Variants in KCNQ1 observed in about 807,000 individuals in gnomAD.
KCNQ1 encodes the protein potassium voltage-gated channel subfamily KQT member 1.
Under a neutral mutation model 72.4 loss-of-function variants are expected in KCNQ1, and 49 were observed. That is an observed-to-expected ratio of 0.68 (90% CI 0.54 to 0.86). The LOEUF (loss-of-function observed/expected upper bound fraction) is 0.86. Among genes scored for constraint, KCNQ1 ranks in the 40% least tolerant of loss-of-function variants. The pLI is 0.00. For synonymous variants in KCNQ1, 450 were observed against 412.6 expected, an observed-to-expected ratio of 1.09 and a Z score of -1.10; for missense variants, 790 against 945.1, an observed-to-expected ratio of 0.84 and a Z score of 2.15.
At chr11:2,820,503 G>A (rs1231851454) in intron 15 of KCNQ1, among the ~76,000 whole-genome samples, 1 of 152,012 alleles carries the variant, frequency 6.6e-6, no homozygotes, top group Non-Finnish European at 1.5e-5. Flanking sequence ...AGTCTTTTCT[G>A]TTAATTGTGT....
intron 6 of KCNQ1, among the ~76,000 whole-genome samples, chr11:2,581,337 G>A (rs545384884): frequency 9.2e-5 from 14 of 152,338 alleles, no homozygotes; most frequent in Non-Finnish European, 1.9e-4. Context: ...ACTGGCACAG[G>A]GTCTCCGATG....
intron 11 of KCNQ1, chr11:2,699,768 G>A (rs1850758553): frequency 5.0e-6 from 2 of 397,804 alleles, no homozygotes; most frequent in Non-Finnish European, 8.9e-6. Flanking sequence ...GCCGCGCTGA[G>A]GAGCCCCGAG....
chr11:2,660,283 A>G, intron 10 of KCNQ1: 1 of 398,424 alleles, frequency 2.5e-6, no homozygotes, highest in Non-Finnish European at 4.4e-6. Flanking sequence ...TAAATGCATT[A>G]AAACTTTTAC....
chr11:2,650,784 A>G, intron 10 of KCNQ1: 1 of 398,610 alleles, frequency 2.5e-6, no homozygotes, highest in East Asian at 3.6e-5. Flanking sequence ...TCTTTCTCCT[A>G]ATACTGCTAA....
At chr11:2,533,400 G>A (rs1263078980) in intron 2 of KCNQ1, among the ~76,000 whole-genome samples, 1 of 152,098 alleles carries the variant, frequency 6.6e-6, no homozygotes, top group Non-Finnish European at 1.5e-5. Flanking sequence ...TTTCCTCAAG[G>A]CCTCCCAGGG....
At position 2,659,888 on chromosome 11, in the gene KCNQ1, T is replaced by C. The variant is rs12574151; in HGVS notation, c.1394-2073T>C. On this transcript the variant is annotated intron_variant, in intron 10 of 15. Transcript: ENST00000155840. The surrounding 1 kb of genome is among the most constrained non-coding windows in gnomAD (Gnocchi z 4.3). ...TTTATAATCCATTTTTAAAATTGGA[T>C]TGTTCACTTTATTGTCAAGTTGTAA... 1 of 398,356 alleles carries C rather than the reference T, an allele frequency of 2.5e-6. No homozygotes were observed. The highest frequency in any genetic ancestry group is 4.4e-6 in the Non-Finnish European group (1 of 226,008). The allele number at this position is 398,356 out of a possible 1,614,324, so 24.7% of individuals were successfully genotyped here. A position where few individuals can be genotyped will look rare whatever the true frequency, so the allele number is the denominator to read the frequency against.
chr11:2,700,023 G>A (rs1850770778), intron 11 of KCNQ1: 3 of 398,194 alleles, frequency 7.5e-6, no homozygotes, highest in South Asian at 2.5e-4. Flanking sequence ...CGCTCCGACT[G>A]CCCCCGCCGC....
chr11:2,669,517 T>C lies in KCNQ1; in HGVS notation c.1514+7436T>C, dbSNP rs1476125806. 5.0e-6 allele frequency: 2 copies of C among 398,538 alleles called. No homozygotes were observed. The highest frequency in any genetic ancestry group is 7.1e-5 in the East Asian group (2 of 28,096). The allele number at this position is 398,538 out of a possible 1,614,324, so 24.7% of individuals were successfully genotyped here. On this transcript the variant is annotated intron_variant, in intron 11 of 15. Coordinates refer to ENST00000155840, the MANE Select transcript of KCNQ1 (RefSeq NM_000218.3). The surrounding 1 kb of genome is among the most constrained non-coding windows in gnomAD (Gnocchi z 5.6). Reference sequence around the variant, plus strand: ...CATTCCTTGTCAGCTAATGGTTTGATGTATGTTCGCTGAATCCAGGGACAA... The same window carrying C: ...CATTCCTTGTCAGCTAATGGTTTGACGTATGTTCGCTGAATCCAGGGACAA...
At position 2,588,727 on chromosome 11, in the gene KCNQ1, G is replaced by T; in HGVS notation, c.1266G>T (p.Lys422Asn). The change falls in exon 10 of 16, where the codon AAG becomes AAT. Residue 422 changes from lysine to asparagine, a missense_variant. Lys to Asn is a moderately conservative substitution (Grantham distance 94, BLOSUM62 0). This residue lies in a region of KCNQ1 where 178 missense variants were observed against 177.9 expected (regional missense o/e 1.00). Transcript: ENST00000155840. The surrounding 1 kb of genome is among the most constrained non-coding windows in gnomAD (Gnocchi z 5.6). ...PKKSVVVKKKKFKLDKDNGVT... is the reference protein window; with the variant it reads ...PKKSVVVKKKNFKLDKDNGVT... ...GTTTTTTTTAGGTAAAGAAAAAAAAGTTCAAGCTGGACAAAGACAATGGGG... is the reference window on the plus strand; with the variant it reads ...GTTTTTTTTAGGTAAAGAAAAAAAATTTCAAGCTGGACAAAGACAATGGGG... The T allele has an allele frequency of 1.2e-6, 2 of 1,613,656 alleles. No homozygotes were observed. The highest frequency in any genetic ancestry group is 1.7e-6 in the Non-Finnish European group (2 of 1,179,966).
chr11:2,718,701 G>T (rs1276237394), intron 11 of KCNQ1, among the ~76,000 whole-genome samples: 1 of 152,210 alleles, frequency 6.6e-6, no homozygotes, highest in Non-Finnish European at 1.5e-5. Context: ...TCTGTCAGGG[G>T]AAGGGCAGTT....
At chr11:2,689,441 TG>T (rs1850552298) in intron 11 of KCNQ1, 1 of 398,508 alleles carries the variant, frequency 2.5e-6, no homozygotes, top group Non-Finnish European at 4.4e-6. Flanking sequence ...GACACTGCCT[TG>T]GAATGACACT....
At position 2,703,107 on chromosome 11, in the gene KCNQ1, G is replaced by A. The variant is rs1382728762; in HGVS notation, c.1514+41026G>A. Among the ~76,000 whole-genome samples the A allele has an allele frequency of 6.6e-6, 1 of 152,224 alleles. No individual in the cohort carries two copies. The highest frequency in any genetic ancestry group is 2.4e-5 in the African/African-American group (1 of 41,456). ...GGACTCCAGGCCAGCCCCAGAGGCA[G>A]ATGGGGGCTGCCAGGCAGGCTGGGA... On this transcript the variant is annotated intron_variant, in intron 11 of 15. Transcript: ENST00000155840. This position sits in a 1 kb window ranked among gnomAD's most constrained non-coding sequence, Gnocchi z 6.4.
intron 11 of KCNQ1, among the ~76,000 whole-genome samples, chr11:2,758,796 G>A (rs1466783368): frequency 6.6e-6 from 1 of 152,162 alleles, no homozygotes; most frequent in African/African-American, 2.4e-5. Flanking sequence ...AGCCTCCCCC[G>A]AAAGGTCGCA....
At chr11:2,643,157 G>A (rs1002439195) in intron 10 of KCNQ1, 8 of 398,148 alleles carry the variant, frequency 2.0e-5, no homozygotes, top group Non-Finnish European at 3.1e-5. Context: ...GAACTGGTCT[G>A]TAAATGTCTG....
intron 10 of KCNQ1, chr11:2,632,477 A>G (rs1849376976): frequency 2.5e-6 from 1 of 398,408 alleles, no homozygotes; most frequent in Non-Finnish European, 4.4e-6. Context: ...TTTCACCATT[A>G]TGATGCTCCT....
In KCNQ1 at chr11:2,808,396, G is replaced by T. The variant is rs1564901071; in HGVS notation, c.1794+30359G>T. On this transcript the variant is annotated intron_variant, in intron 15 of 15. Transcript: ENST00000155840. The surrounding 1 kb of genome is among the most constrained non-coding windows in gnomAD (Gnocchi z 6.0). ...AAAATTACTGTGCAGGAGCAAAGCA[G>T]GGCACTGTGCCGGAGAGGAACAGGG... 6.6e-6 allele frequency among the ~76,000 whole-genome samples: 1 copy of T among 152,234 alleles called. No individual in the cohort carries two copies. Among genetic ancestry groups the T allele is most frequent in the African/African-American group, 2.4e-5 (1 of 41,452 alleles).
rs113029000 is a variant in KCNQ1, at chr11:2,848,269, G to A, written c.*266G>A. On this transcript the variant is annotated 3_prime_UTR_variant, in exon 16 of 16. Transcript: ENST00000155840. ...GCCCTGGCCCCCACATGGTGATGTT[G>A]ACATCACTGGCATGGTGGTTGGGAC... The A allele has an allele frequency of 1.4e-4, 89 of 642,902 alleles. No individual in the cohort carries two copies. The highest frequency in any genetic ancestry group is 1.3e-3 in the African/African-American group (75 of 55,734). 39.8% of individuals were successfully genotyped at this position (642,902 alleles called of 1,614,324 possible). A position where few individuals can be genotyped will look rare whatever the true frequency, so the allele number is the denominator to read the frequency against.
At position 2,725,298 on chromosome 11, in the gene KCNQ1, G is replaced by A. The variant is rs575071961; in HGVS notation, c.1515-43546G>A. Among the ~76,000 whole-genome samples the A allele has an allele frequency of 5.3e-5, 8 of 152,312 alleles. No individual in the cohort carries two copies. The highest frequency in any genetic ancestry group is 1.9e-4 in the East Asian group (1 of 5,182). ...ACTCCAGGGTCGGGGGCTCAGCCACGGGACCAGCGCTTGCCAGAAATGTTC... is the reference window on the plus strand; with the variant it reads ...ACTCCAGGGTCGGGGGCTCAGCCACAGGACCAGCGCTTGCCAGAAATGTTC... On this transcript the variant is annotated intron_variant, in intron 11 of 15. Transcript: ENST00000155840. This position sits in a 1 kb window ranked among gnomAD's most constrained non-coding sequence, Gnocchi z 7.2.
rs115137152 is a variant in KCNQ1, at chr11:2,550,212, C to T, written c.478-20416C>T. On this transcript the variant is annotated intron_variant, in intron 2 of 15. Transcript: ENST00000155840. The surrounding 1 kb of genome is among the most constrained non-coding windows in gnomAD (Gnocchi z 6.0). ...CTCCCCCGCCTCTCTTTGCCGTTGC[C>T]GGGACTGGGCCGTGTGCCTGGAGTT... is the stretch of plus-strand genomic sequence containing the variant. Among the ~76,000 whole-genome samples the T allele has an allele frequency of 2.8e-4, 42 of 152,360 alleles. No individual in the cohort carries two copies. The highest frequency in any genetic ancestry group is 6.7e-4 in the African/African-American group (28 of 41,594).
Sources: gnomAD v4.1 joint callset for allele counts (sites outside exome capture counted in the v4.1 genomes callset) on GRCh38, gnomAD v4.1.1 for gene constraint, gnomAD v4.1.1 regional missense constraint, Gnocchi (gnomAD v3.1) non-coding constraint, MANE v1.5 for transcripts, NCBI Gene and HGNC (gene_info 2026-07-23, HGNC 2026-07-21) for gene names.